LRBA: variants seen among roughly 807,000 people sequenced by gnomAD.
LRBA encodes the protein LPS responsive beige-like anchor protein.
Under a neutral mutation model 330.0 loss-of-function variants are expected in LRBA, and 176 were observed. The observed-to-expected ratio is 0.53, with a 90% confidence interval of 0.47 to 0.60. The LOEUF is 0.60. Ranked by LOEUF, LRBA falls within the 20% of genes least tolerant of loss-of-function variation. LRBA has a pLI of 0.00. For synonymous variants in LRBA, 1,230 were observed against 1,193.0 expected (o/e 1.03, Z -0.64); for missense variants, 3,259 against 3,444.8 (o/e 0.95, Z 1.35).
chr4:150,471,437 C>T (rs1218864771), intron 43 of LRBA, among the ~76,000 whole-genome samples, 187 bp downstream of exon 43: 2 of 152,190 alleles, frequency 1.3e-5, no homozygotes, highest in Non-Finnish European at 2.9e-5. Context: ...TAAACATTCA[C>T]ATTTGTACTT....
intron 47 of LRBA, among the ~76,000 whole-genome samples, chr4:150,394,266 G>C (rs538210116): frequency 7.2e-5 from 11 of 151,978 alleles, no homozygotes; most frequent in Non-Finnish European, 1.6e-4. Context: ...TGAAGCTCTG[G>C]GATTAATCTC....
At chr4:150,642,608 AC>A (rs1368467297) in intron 37 of LRBA, among the ~76,000 whole-genome samples, 1 of 151,924 alleles carries the variant, frequency 6.6e-6, no homozygotes, top group Non-Finnish European at 1.5e-5. Flanking sequence ...GGCAATATAC[AC>A]AAGCAAAATC....
chr4:150,647,078 T>A (rs1413798992), intron 37 of LRBA, among the ~76,000 whole-genome samples: 1 of 152,014 alleles, frequency 6.6e-6, no homozygotes, highest in Non-Finnish European at 1.5e-5. Context: ...AAACTAATAT[T>A]TTAGTAAAAA....
intron 2 of LRBA, among the ~76,000 whole-genome samples, chr4:150,979,509 C>T (rs949052783): frequency 6.6e-6 from 1 of 152,080 alleles, no homozygotes; most frequent in African/African-American, 2.4e-5. Context: ...AACACCATAA[C>T]TTGGGCATAT....
intron 47 of LRBA, among the ~76,000 whole-genome samples, chr4:150,384,784 T>C (rs1305910114): frequency 6.6e-6 from 1 of 151,546 alleles, no homozygotes; most frequent in East Asian, 1.9e-4. Flanking sequence ...AGAATTAAGA[T>C]TAGGGAAATG....
chr4:150,597,506 T>C (rs535215205), intron 38 of LRBA, among the ~76,000 whole-genome samples: 2 of 152,076 alleles, frequency 1.3e-5, no homozygotes, highest in South Asian at 4.1e-4. Flanking sequence ...CCCTTCCAGA[T>C]ATAAAAGGAA....
chr4:150,342,397 A>G (rs1043666456), intron 48 of LRBA, among the ~76,000 whole-genome samples: 7 of 152,194 alleles, frequency 4.6e-5, no homozygotes, highest in Non-Finnish European at 7.4e-5. Context: ...AAAGAAGAGT[A>G]AACAGATAAA....
At chr4:150,553,226 C>T (rs1228611955) in intron 40 of LRBA, among the ~76,000 whole-genome samples, 1 of 151,876 alleles carries the variant, frequency 6.6e-6, no homozygotes, top group East Asian at 1.9e-4. Context: ...GACAGAAAAC[C>T]AAACACTGCA....
At chr4:150,276,427 A>T (rs996392780) in intron 56 of LRBA, among the ~76,000 whole-genome samples, 9 of 152,238 alleles carry the variant, frequency 5.9e-5, no homozygotes, top group Admixed American at 3.9e-4. Flanking sequence ...GCCAAAATTG[A>T]CAAATGGGAT....
intron 47 of LRBA, among the ~76,000 whole-genome samples, chr4:150,374,683 T>C (rs911697323): frequency 1.3e-5 from 2 of 152,236 alleles, no homozygotes; most frequent in African/African-American, 4.8e-5. Flanking sequence ...GAATTAGGGA[T>C]GCTCAACCGT....
chr4:150,848,683 T>C, intron 26 of LRBA, 135 bp downstream of exon 26: 1 of 673,706 alleles, frequency 1.5e-6, no homozygotes, highest in Non-Finnish European at 2.5e-6. Flanking sequence ...ACTATGTACA[T>C]TAAAAAAAGT....
chr4:150,862,489 T>C (rs1752081526), intron 22 of LRBA, among the ~76,000 whole-genome samples: 1 of 151,870 alleles, frequency 6.6e-6, no homozygotes, highest in Non-Finnish European at 1.5e-5. Flanking sequence ...TGAGAACACT[T>C]GGACACAGGA....
At chr4:150,386,284 ATTAT>A (rs1055211211) in intron 47 of LRBA, among the ~76,000 whole-genome samples, 12 of 152,286 alleles carry the variant, frequency 7.9e-5, no homozygotes, top group African/African-American at 2.9e-4. Context: ...TTTTCTAAAT[ATTAT>A]TTCATACCTC....
At chr4:150,419,633 C>CTTTTTTTT (rs780382905) in intron 46 of LRBA, among the ~76,000 whole-genome samples, 4 of 96,990 alleles carry the variant, frequency 4.1e-5, no homozygotes, top group Admixed American at 1.3e-4. Flanking sequence ...CTGATAATAT[C>CTTTTTTTT]TTTTTTTTTT....
At chr4:150,588,225 AT>A in intron 39 of LRBA, 41 bp from the exon 40 acceptor site, 1 of 1,547,114 alleles carries the variant, frequency 6.5e-7, no homozygotes, top group African/African-American at 1.4e-5. Context: ...TTGGAATGAC[AT>A]TTTTCAAAAA....
At chr4:150,939,433 G>A (rs936518139) in intron 2 of LRBA, among the ~76,000 whole-genome samples, 1 of 152,128 alleles carries the variant, frequency 6.6e-6, no homozygotes, top group African/African-American at 2.4e-5. Context: ...AAGATTGCCA[G>A]CAAATCACCA....
At chr4:150,405,120 C>T (rs1461310057) in intron 47 of LRBA, among the ~76,000 whole-genome samples, 5 of 152,060 alleles carry the variant, frequency 3.3e-5, no homozygotes, top group Non-Finnish European at 7.4e-5. Flanking sequence ...GATGGAAACC[C>T]TAACAGAGAA....
chr4:150,308,701 C>T (rs764838817), intron 52 of LRBA, among the ~76,000 whole-genome samples: 2 of 152,000 alleles, frequency 1.3e-5, no homozygotes, highest in African/African-American at 4.8e-5. Context: ...CCTATGGAGG[C>T]TTAGCCTAAC....
Position 150,805,438 on chromosome 4 carries a change from G to A in LRBA, c.5518+833C>T, listed in dbSNP as rs200151519. 1.2e-4 allele frequency among the ~76,000 whole-genome samples: 6 copies of A among 48,168 alleles called. No individual in the cohort carries two copies. The South Asian group carries it at 3.8e-3, about 30-fold the overall frequency. 31.6% of individuals were successfully genotyped at this position (48,168 alleles called of 152,430 possible). A position where few individuals can be genotyped will look rare whatever the true frequency, so the allele number is the denominator to read the frequency against. ...GAAGGGAAAGGAAAGGAAAGGAAAG[G>A]AAGGAAAGGGAAAGGAAAGGAAAGG... On this transcript the variant is annotated intron_variant, in intron 33 of 56. Transcript: ENST00000651943.
Sources: gnomAD v4.1 joint callset for allele counts (sites outside exome capture counted in the v4.1 genomes callset) on GRCh38, gnomAD v4.1.1 for gene constraint, MANE v1.5 for transcripts, NCBI Gene and HGNC (gene_info 2026-07-23, HGNC 2026-07-21) for gene names.